The following PPARGC1A variants were observed in gnomAD, a reference collection of about 807,000 sequenced individuals.
The protein encoded by PPARGC1A is PPARG coactivator 1 alpha.
In PPARGC1A, 25 loss-of-function variants were observed where a neutral mutation model predicts 88.7. The observed-to-expected ratio is 0.28, with a 90% confidence interval of 0.21 to 0.39. The LOEUF (loss-of-function observed/expected upper bound fraction) is 0.39. Among genes scored for constraint, PPARGC1A ranks in the 10% least tolerant of loss-of-function variants. The pLI, the probability that PPARGC1A is intolerant of heterozygous loss-of-function variation, is 1.00. For synonymous variants in PPARGC1A, 363 were observed against 355.6 expected, an observed-to-expected ratio of 1.02 and a Z score of -0.24; for missense variants, 880 against 968.7, an observed-to-expected ratio of 0.91 and a Z score of 1.22.
chr4:24,010,079 G>T, the PPARGC1A span, among the ~76,000 whole-genome samples: 2 of 152,110 alleles, frequency 1.3e-5, no homozygotes, highest in Non-Finnish European at 2.9e-5. Context: ...ACATTGGTTC[G>T]GAAAGTGCCT....
At chr4:24,323,643 A>T in the PPARGC1A span, among the ~76,000 whole-genome samples, 2 of 152,120 alleles carry the variant, frequency 1.3e-5, no homozygotes, top group Non-Finnish European at 2.9e-5. Context: ...GCCCGCCTGC[A>T]CCCAGGTGAA....
the PPARGC1A span, among the ~76,000 whole-genome samples, chr4:24,062,374 G>A: frequency 6.6e-6 from 1 of 152,180 alleles, no homozygotes; most frequent in Non-Finnish European, 1.5e-5. Flanking sequence ...GAACCAGGTG[G>A]TCACCATCTA....
chr4:24,181,840 G>A, the PPARGC1A span, among the ~76,000 whole-genome samples: 4 of 152,034 alleles, frequency 2.6e-5, no homozygotes, highest in Admixed American at 6.6e-5. Flanking sequence ...GCTAATAAGC[G>A]GTACCTGGCT....
chr4:24,333,829 G>A, the PPARGC1A span, among the ~76,000 whole-genome samples: 127 of 149,852 alleles, frequency 8.5e-4, no homozygotes, highest in Non-Finnish European at 1.5e-3. Flanking sequence ...ATCTACTCAG[G>A]AGGTTGAGGC....
chr4:23,889,998 A>G lies in PPARGC1A; in HGVS notation c.-41T>C. 6.2e-7 allele frequency: 1 copy of G among 1,612,518 alleles called. No individual in the cohort carries two copies. The highest frequency in any genetic ancestry group is 8.5e-7 in the Non-Finnish European group (1 of 1,179,232). On this transcript the variant is annotated 5_prime_UTR_variant, in exon 1 of 13. Transcript: ENST00000264867. The stretch of plus-strand genomic sequence containing the variant: ...CGCCAGTCAAGCTTTTTCAACTCCA[A>G]TCCACAGTGACACAGAGCACACACT...
intron 7 of PPARGC1A, among the ~76,000 whole-genome samples, chr4:23,818,839 CTTTTTTTTTTTT>C (rs762478316): frequency 2.0e-5 from 1 of 49,022 alleles, no homozygotes; most frequent in African/African-American, 7.9e-5. Flanking sequence ...CCAATGGCAT[CTTTTTTTTTTTT>C]TTTTTTTTTT....
the PPARGC1A span, among the ~76,000 whole-genome samples, chr4:24,107,480 C>T: frequency 6.6e-6 from 1 of 152,192 alleles, no homozygotes; most frequent in Admixed American, 6.5e-5. Context: ...CTATTATTTT[C>T]GATCTGACTC....
At chr4:23,917,253 C>A in the PPARGC1A span, among the ~76,000 whole-genome samples, 1 of 152,144 alleles carries the variant, frequency 6.6e-6, no homozygotes, top group Non-Finnish European at 1.5e-5. Context: ...GAGTTGCTAC[C>A]ATGAAATGTG....
At chr4:24,308,287 G>C in the PPARGC1A span, among the ~76,000 whole-genome samples, 1 of 71,870 alleles carries the variant, frequency 1.4e-5, no homozygotes. Flanking sequence ...GTGAGACTCT[G>C]CCACCGAAAA....
the PPARGC1A span, among the ~76,000 whole-genome samples, chr4:24,124,581 T>C: frequency 1.3e-5 from 2 of 152,266 alleles, no homozygotes; most frequent in Middle Eastern, 3.4e-3. Context: ...AGTGACTTGT[T>C]CTCTGGAAAG....
At chr4:24,287,382 AAGAT>A in the PPARGC1A span, among the ~76,000 whole-genome samples, 1 of 152,146 alleles carries the variant, frequency 6.6e-6, no homozygotes, top group African/African-American at 2.4e-5. Flanking sequence ...CTTGTTTTAT[AAGAT>A]AATCAACTTC....
At chr4:23,989,984 T>C in the PPARGC1A span, among the ~76,000 whole-genome samples, 2 of 147,496 alleles carry the variant, frequency 1.4e-5, no homozygotes, top group Admixed American at 6.8e-5. Flanking sequence ...TATATACATA[T>C]ATATGTATTT....
At chr4:23,865,903 C>G (rs373089916) in intron 2 of PPARGC1A, among the ~76,000 whole-genome samples, 14 of 152,184 alleles carry the variant, frequency 9.2e-5, no homozygotes, top group African/African-American at 3.1e-4. Flanking sequence ...GTGTTGTAAT[C>G]TACACATGCA....
the PPARGC1A span, among the ~76,000 whole-genome samples, chr4:24,313,259 G>A: frequency 6.6e-6 from 1 of 152,126 alleles, no homozygotes; most frequent in Non-Finnish European, 1.5e-5. Context: ...TTTTCACACT[G>A]GAGAATAAGG....
At chr4:23,975,859 T>G in the PPARGC1A span, among the ~76,000 whole-genome samples, 1 of 152,260 alleles carries the variant, frequency 6.6e-6, no homozygotes. Flanking sequence ...TCTTTATTTC[T>G]AATTTACAAT....
At chr4:24,130,915 T>C in the PPARGC1A span, among the ~76,000 whole-genome samples, 1 of 152,132 alleles carries the variant, frequency 6.6e-6, no homozygotes, top group African/African-American at 2.4e-5. Flanking sequence ...GTCTGCACTG[T>C]CCCCTCATCC....
At chr4:24,472,261 G>A in the PPARGC1A span, among the ~76,000 whole-genome samples, 166 of 152,072 alleles carry the variant, frequency 1.1e-3, no homozygotes, top group Admixed American at 2.4e-3. The surrounding 1 kb of genome is among the most constrained non-coding windows in gnomAD (Gnocchi z 4.5). Context: ...CGACCCACTT[G>A]GCCCCCCATC....
the PPARGC1A span, among the ~76,000 whole-genome samples, chr4:24,459,628 A>G: frequency 3.3e-5 from 5 of 152,114 alleles, no homozygotes; most frequent in Admixed American, 6.6e-5. Flanking sequence ...TGCCTCTACA[A>G]AAAATACAAA....
chr4:24,429,260 CCTCT>C, the PPARGC1A span, among the ~76,000 whole-genome samples: 966 of 151,942 alleles, frequency 6.4e-3, 5 homozygotes, highest in Non-Finnish European at 0.011. Context: ...TCTCTCTCTC[CCTCT>C]GTTTCACACA....
Sources: allele counts gnomAD v4.1 joint callset (sites outside exome capture counted in the v4.1 genomes callset), GRCh38; gene constraint gnomAD v4.1.1; non-coding constraint Gnocchi (gnomAD v3.1); transcripts MANE v1.5; gene names NCBI Gene and HGNC (gene_info 2026-07-23, HGNC 2026-07-21).